The following TMC2 variants were observed in gnomAD, a reference collection of about 807,000 sequenced individuals.
TMC2 encodes the protein transmembrane channel-like protein 2.
Under a neutral mutation model 105.9 loss-of-function variants are expected in TMC2, and 102 were observed. The observed-to-expected ratio is 0.96, with a 90% CI of 0.82 to 1.14. The LOEUF (loss-of-function observed/expected upper bound fraction) is 1.14, where lower values mean the gene tolerates loss of function less well. TMC2 is among the 50% of genes most tolerant of loss of function. The pLI, the probability that TMC2 is intolerant of heterozygous loss-of-function variation, is 0.00. For synonymous variants in TMC2, 402 were observed against 422.8 expected, an observed-to-expected ratio of 0.95 and a Z score of 0.60; for missense variants, 1,093 against 1,134.3, an observed-to-expected ratio of 0.96 and a Z score of 0.52.
chr20:2,636,596 C>T (rs1246082217), intron 18 of TMC2, among the ~76,000 whole-genome samples: 11 of 133,880 alleles, frequency 8.2e-5, no homozygotes, highest in African/African-American at 3.0e-4. Context: ...ACTGGTCCCC[C>T]CGTCCACACC....
At chr20:2,581,990 G>A (rs1360398205) in intron 7 of TMC2, among the ~76,000 whole-genome samples, 1 of 152,050 alleles carries the variant, frequency 6.6e-6, no homozygotes, top group Admixed American at 6.6e-5. Flanking sequence ...GAGAGAGAGA[G>A]ATGCTTTGCT....
rs545979145 is a variant in TMC2, at chr20:2,601,273, A to G, written c.1225-840A>G. Among the ~76,000 whole-genome samples, 4 of 152,388 alleles carry G rather than the reference A, an allele frequency of 2.6e-5. No individual in the cohort carries two copies. In the East Asian group the frequency reaches 5.8e-4, roughly 22 times the overall value. ...AACAAAGGCATTCCAATTTATTTACATCTTGTCTATGGTTGCTTTCATGCC... is the reference window on the plus strand; with the variant it reads ...AACAAAGGCATTCCAATTTATTTACGTCTTGTCTATGGTTGCTTTCATGCC... On this transcript the variant is annotated intron_variant, in intron 10 of 19. Coordinates refer to ENST00000358864, the MANE Select transcript of TMC2 (RefSeq NM_080751.3).
At chr20:2,636,777 A>G (rs367880229) in intron 18 of TMC2, among the ~76,000 whole-genome samples, 67,566 of 112,186 alleles carry the variant, frequency 0.6, 16,384 homozygotes, top group East Asian at 0.67. Flanking sequence ...GCGTGCATGC[A>G]CCACCACACC....
chr20:2,624,917 C>G (rs1042724208), intron 17 of TMC2, among the ~76,000 whole-genome samples: 4 of 152,184 alleles, frequency 2.6e-5, no homozygotes, highest in Non-Finnish European at 5.9e-5. Context: ...GTGATTCGGC[C>G]TGATCCTGGC....
At chr20:2,583,975 AC>A (rs2086213401) in intron 7 of TMC2, among the ~76,000 whole-genome samples, 2 of 152,142 alleles carry the variant, frequency 1.3e-5, no homozygotes, top group Admixed American at 1.3e-4. Context: ...GCAGTAGATG[AC>A]TAATGCAGCT....
At chr20:2,576,915 T>TG (rs1462109684) in intron 5 of TMC2, among the ~76,000 whole-genome samples, 9 of 45,074 alleles carry the variant, frequency 2.0e-4, no homozygotes, top group African/African-American at 3.3e-4. Context: ...TTTTTTTTGT[T>TG]TTTTTTTTTT....
chr20:2,586,604 G>A (rs973498530), intron 7 of TMC2, among the ~76,000 whole-genome samples: 1 of 152,134 alleles, frequency 6.6e-6, no homozygotes, highest in African/African-American at 2.4e-5. Context: ...AGAGTGATTG[G>A]GAGAGGTCCT....
intron 19 of TMC2, among the ~76,000 whole-genome samples, chr20:2,639,870 A>G (rs1160876862): frequency 2.6e-5 from 4 of 152,168 alleles, no homozygotes; most frequent in Non-Finnish European, 5.9e-5. Flanking sequence ...AGATGATCCC[A>G]TTTTCCAGAG....
intron 9 of TMC2, among the ~76,000 whole-genome samples, chr20:2,596,745 ATG>A (rs1028418495): frequency 1.8e-5 from 2 of 111,590 alleles, no homozygotes; most frequent in East Asian, 2.8e-4. Context: ...GTGTGTGTGT[ATG>A]TGTGTGTGTG....
intron 2 of TMC2, among the ~76,000 whole-genome samples, chr20:2,537,570 G>A (rs547949502): frequency 3.3e-5 from 5 of 152,290 alleles, no homozygotes; most frequent in African/African-American, 1.2e-4. Context: ...TGAGCCTTGG[G>A]AAGCAGTGAA....
rs1423372771 is a variant in TMC2 at position 2,562,134 on chromosome 20, A to G, written c.554+124A>G. On this transcript the variant is annotated intron_variant, in intron 4 of 19. Coordinates refer to ENST00000358864, the MANE Select transcript of TMC2 (RefSeq NM_080751.3). ...GTGAGGGGGCTGCTCCAGCGAGGAC[A>G]GCACTCAGGGAGCCCCATGAGAGCC... 10 of 1,232,608 alleles carry G rather than the reference A, an allele frequency of 8.1e-6. No homozygotes were observed. In the East Asian group the frequency reaches 2.6e-4, roughly 32 times the overall value. The allele number at this position is 1,232,608 out of a possible 1,614,324, so 76.4% of individuals were successfully genotyped here.
At chr20:2,608,644 G>T (rs2086412310) in intron 11 of TMC2, among the ~76,000 whole-genome samples, 1 of 152,012 alleles carries the variant, frequency 6.6e-6, no homozygotes, top group Non-Finnish European at 1.5e-5. Context: ...TGTACCTTTA[G>T]TCACTCTTAC....
intron 19 of TMC2, among the ~76,000 whole-genome samples, chr20:2,638,866 CAATAAGCTAAGGTTTATTA>C (rs2086668397): frequency 6.6e-6 from 1 of 152,032 alleles, no homozygotes; most frequent in Non-Finnish European, 1.5e-5. Context: ...AGAAAAGTTA[CAATAAGCTAAGGTTTATTA>C]TTGAAGAAAG....
intron 4 of TMC2, among the ~76,000 whole-genome samples, chr20:2,567,498 C>A (rs768357845): frequency 3.3e-4 from 50 of 152,166 alleles, no homozygotes; most frequent in Non-Finnish European, 6.0e-4. Context: ...AGATGATCAA[C>A]AGGTTTTAAC....
intron 17 of TMC2, among the ~76,000 whole-genome samples, chr20:2,624,636 C>T (rs751036676): frequency 6.6e-6 from 1 of 152,162 alleles, no homozygotes; most frequent in Non-Finnish European, 1.5e-5. Context: ...GCCTCAGACT[C>T]AGCCCTCCCT....
At chr20:2,597,597 C>T (rs1277839339) in intron 10 of TMC2, among the ~76,000 whole-genome samples, 1 of 152,180 alleles carries the variant, frequency 6.6e-6, no homozygotes, top group East Asian at 1.9e-4. Context: ...AAGCGATCCT[C>T]CTGCCTCAGC....
At position 2,579,202 on chromosome 20, in the gene TMC2, G is replaced by A. The variant is rs757554442; in HGVS notation, c.702G>A (p.Trp234Ter). ...ATTTCAAGACTCAATGTATCCCCTG[G>A]GAAATGAAGATCAAGGACATTGAAA... ...FDNFKTQCIP[W>*]EMKIKDIESH... The change falls in exon 6 of 20, where the codon TGG (tryptophan) becomes TGA (stop). Residue 234 changes from tryptophan to a stop codon, truncating the protein, a stop_gained. Coordinates refer to ENST00000358864, the MANE Select transcript of TMC2 (RefSeq NM_080751.3). LOFTEE classifies it high-confidence loss of function. 4.0e-5 allele frequency: 64 copies of A among 1,602,356 alleles called. No homozygotes were observed. Among genetic ancestry groups the A allele is most frequent in the Middle Eastern group, 3.3e-4 (2 of 6,064 alleles).
In TMC2 at chr20:2,580,069, C is replaced by T. The variant is rs1409425752; in HGVS notation, c.834+13C>T. ...CATAATCCCAGAGGTAAGAAAAGAACTTCCTAAATCTTTGGATAGAGTTAA... is the reference window on the plus strand; with the variant it reads ...CATAATCCCAGAGGTAAGAAAAGAATTTCCTAAATCTTTGGATAGAGTTAA... On this transcript the variant is annotated intron_variant, in intron 7 of 19. Coordinates refer to ENST00000358864, the MANE Select transcript of TMC2 (RefSeq NM_080751.3). 6.5e-6 allele frequency: 10 copies of T among 1,546,160 alleles called. No homozygotes were observed. The highest frequency in any genetic ancestry group is 8.9e-6 in the Non-Finnish European group (10 of 1,119,192).
chr20:2,573,121 C>T (rs1157281230), intron 5 of TMC2, among the ~76,000 whole-genome samples: 1 of 152,030 alleles, frequency 6.6e-6, no homozygotes, highest in Non-Finnish European at 1.5e-5. Context: ...TCCACCACAC[C>T]CTGATAAAAC....
Sources: allele counts gnomAD v4.1 joint callset (sites outside exome capture counted in the v4.1 genomes callset), GRCh38; gene constraint gnomAD v4.1.1; transcripts MANE v1.5; gene names NCBI Gene and HGNC (gene_info 2026-07-23, HGNC 2026-07-21).